LRMDA: variants seen among roughly 807,000 people sequenced by gnomAD.
LRMDA encodes the protein leucine rich melanocyte differentiation associated, also known as leucine-rich melanocyte differentiation-associated protein.
Under a neutral mutation model 29.8 loss-of-function variants are expected in LRMDA, and 18 were observed. That is an observed-to-expected ratio of 0.60 (90% CI 0.42 to 0.90). The LOEUF is 0.90. Ranked by LOEUF, LRMDA falls within the 40% of genes least tolerant of loss-of-function variation. The pLI is 0.00. For missense variants in LRMDA, 273 were observed against 273.9 expected, an observed-to-expected ratio of 1.00 and a Z score of 0.02; for synonymous variants, 125 against 109.4, an observed-to-expected ratio of 1.14 and a Z score of -0.89.
intron 2 of LRMDA, among the ~76,000 whole-genome samples, chr10:75,730,789 A>G (rs914898919): frequency 6.6e-6 from 1 of 151,502 alleles, no homozygotes; most frequent in African/African-American, 2.4e-5. Context: ...TTAAGCCTTG[A>G]ACCTTCTTTT....
intron 5 of LRMDA, among the ~76,000 whole-genome samples, chr10:76,117,960 C>A (rs751127813): frequency 1.4e-4 from 22 of 152,200 alleles, no homozygotes; most frequent in South Asian, 2.1e-4. Context: ...TCATAACCCA[C>A]AATAAAACCT....
intron 2 of LRMDA, among the ~76,000 whole-genome samples, chr10:75,835,675 T>C (rs541428128): frequency 1.3e-5 from 2 of 152,248 alleles, no homozygotes; most frequent in Non-Finnish European, 2.9e-5. Flanking sequence ...ATGCCTTAGA[T>C]CAAGCCATTT....
At chr10:75,721,032 G>T (rs1842560646) in intron 2 of LRMDA, among the ~76,000 whole-genome samples, 1 of 152,180 alleles carries the variant, frequency 6.6e-6, no homozygotes, top group Non-Finnish European at 1.5e-5. Context: ...TGCCGTGGAA[G>T]ATAGGTGGAA....
intron 6 of LRMDA, among the ~76,000 whole-genome samples, chr10:76,426,099 T>G (rs763193787): frequency 1.3e-5 from 2 of 152,178 alleles, no homozygotes; most frequent in African/African-American, 4.8e-5. Context: ...ATGATTTATA[T>G]TCCTTTGGGT....
chr10:76,446,168 A>G (rs979741675), intron 6 of LRMDA, among the ~76,000 whole-genome samples: 3 of 152,168 alleles, frequency 2.0e-5, no homozygotes, highest in African/African-American at 7.2e-5. Context: ...TTATTTTATC[A>G]ACATTGCGTT....
chr10:76,479,830 T>A (rs1178397181), intron 6 of LRMDA, among the ~76,000 whole-genome samples: 2 of 151,934 alleles, frequency 1.3e-5, no homozygotes, highest in Non-Finnish European at 2.9e-5. Context: ...GAGCCTTATA[T>A]GCTTTGACCT....
At chr10:75,699,639 T>G (rs932605699) in intron 2 of LRMDA, among the ~76,000 whole-genome samples, 5 of 152,012 alleles carry the variant, frequency 3.3e-5, no homozygotes, top group African/African-American at 4.8e-5. Context: ...TGAAAAAGAG[T>G]ATCATGATTT....
At chr10:76,539,774 C>G (rs1354959378) in intron 6 of LRMDA, among the ~76,000 whole-genome samples, 1 of 152,146 alleles carries the variant, frequency 6.6e-6, no homozygotes, top group Non-Finnish European at 1.5e-5. Context: ...GCGAGAGGCA[C>G]AGACTGATTA....
intron 2 of LRMDA, among the ~76,000 whole-genome samples, chr10:75,477,674 C>T (rs1844812260): frequency 1.3e-5 from 2 of 152,220 alleles, no homozygotes; most frequent in South Asian, 4.1e-4. Context: ...GGACACAAGG[C>T]TTGTATAGCC....
At chr10:75,592,498 A>G (rs1840735478) in intron 2 of LRMDA, among the ~76,000 whole-genome samples, 1 of 152,198 alleles carries the variant, frequency 6.6e-6, no homozygotes, top group African/African-American at 2.4e-5. Context: ...CGGCAAGGCT[A>G]TCCGTGGCAT....
intron 2 of LRMDA, chr10:75,601,399 G>A (rs1231086464): frequency 6.6e-6 from 1 of 152,238 alleles, no homozygotes; most frequent in Non-Finnish European, 1.5e-5. Flanking sequence ...CATGGAAGAT[G>A]CAAGGAGAGA....
chr10:76,425,460 C>T (rs1276859261), intron 6 of LRMDA, among the ~76,000 whole-genome samples: 38 of 151,726 alleles, frequency 2.5e-4, no homozygotes, highest in Non-Finnish European at 7.4e-5. Context: ...ACCTCTGCGT[C>T]TCAATTTCTT....
chr10:75,608,008 G>T (rs1840977936), intron 2 of LRMDA, among the ~76,000 whole-genome samples: 1 of 150,058 alleles, frequency 6.7e-6, no homozygotes, highest in Non-Finnish European at 1.5e-5. Context: ...ATCTCTTTGA[G>T]ATACTGATTT....
chr10:76,141,788 A>G (rs999552759), intron 5 of LRMDA, among the ~76,000 whole-genome samples: 1 of 152,070 alleles, frequency 6.6e-6, no homozygotes, highest in Non-Finnish European at 1.5e-5. Context: ...AGGTTTGCAA[A>G]CCATAGAGTT....
At chr10:76,137,424 G>A (rs1005350288) in intron 5 of LRMDA, among the ~76,000 whole-genome samples, 33 of 152,290 alleles carry the variant, frequency 2.2e-4, no homozygotes, top group Admixed American at 1.1e-3. Context: ...GAGGGGCAAC[G>A]ATGCTTGTCC....
chr10:76,068,790 T>G (rs766395707), intron 5 of LRMDA, among the ~76,000 whole-genome samples: 1 of 152,326 alleles, frequency 6.6e-6, no homozygotes, highest in Non-Finnish European at 1.5e-5. Flanking sequence ...GCGGCTGATA[T>G]GTACTTTCAG....
intron 6 of LRMDA, among the ~76,000 whole-genome samples, chr10:76,502,698 C>T (rs1380725344): frequency 1.3e-5 from 2 of 151,452 alleles, no homozygotes; most frequent in Admixed American, 1.3e-4. Context: ...GATTTTTGTA[C>T]ATTGATCTTT....
intron 2 of LRMDA, among the ~76,000 whole-genome samples, chr10:75,697,998 G>A (rs1402592604): frequency 2.0e-5 from 3 of 152,116 alleles, no homozygotes; most frequent in Admixed American, 1.3e-4. Flanking sequence ...CATCCTTACA[G>A]TCGCCCTCTG....
At chr10:75,599,935 TG>T (rs962854362) in intron 2 of LRMDA, among the ~76,000 whole-genome samples, 2 of 152,200 alleles carry the variant, frequency 1.3e-5, no homozygotes, top group African/African-American at 4.8e-5. Flanking sequence ...AAGCCCTTCC[TG>T]GTGTAAAATA....
Sources: gnomAD v4.1 joint callset for allele counts (sites outside exome capture counted in the v4.1 genomes callset) on GRCh38, gnomAD v4.1.1 for gene constraint, MANE v1.5 for transcripts, NCBI Gene and HGNC (gene_info 2026-07-23, HGNC 2026-07-21) for gene names.